SCN9A: variants seen among roughly 807,000 people sequenced by gnomAD.
SCN9A encodes sodium voltage-gated channel alpha subunit 9.
In SCN9A, 131 loss-of-function variants were observed where a neutral mutation model predicts 187.0. The observed-to-expected ratio is 0.70, with a 90% CI of 0.61 to 0.81. The LOEUF (loss-of-function observed/expected upper bound fraction) is 0.81. SCN9A is among the 30% of genes least tolerant of loss of function. The pLI, the probability that SCN9A is intolerant of heterozygous loss-of-function variation, is 0.00. For missense variants in SCN9A, 2,252 were observed against 2,396.6 expected (o/e 0.94, Z 1.26); for synonymous variants, 809 against 808.6 (o/e 1.00, Z -0.01).
Position 166,284,688 on chromosome 2 carries a change from T to C in SCN9A, c.1739A>G (p.Asp580Gly). ...CAGTGAGCCCCTTCTGCTCTCATTG[T>C]CTCCAAAAATGCTGTGCTCATCATC... is the stretch of plus-strand genomic sequence containing the variant. ...FADDEHSIFG[D>G]NESRRGSLFV... The change falls in exon 12 of 27, where the codon GAC becomes GGC. Residue 580 changes from aspartate (D) to glycine (G), a missense_variant. Around this residue, in one of 7 missense-constraint regions of SCN9A, gnomAD observed 1,013 missense variants for 997.4 expected, o/e 1.02. Transcript: ENST00000642356. 1 of 1,613,918 alleles carries C rather than the reference T, an allele frequency of 6.2e-7. No individual in the cohort carries two copies. Among genetic ancestry groups the C allele is most frequent in the South Asian group, 1.1e-5 (1 of 91,070 alleles).
chr2:166,252,640 G>A (rs1197504999), intron 17 of SCN9A, among the ~76,000 whole-genome samples: 3 of 151,706 alleles, frequency 2.0e-5, no homozygotes, highest in Admixed American at 6.6e-5. Flanking sequence ...AACAAAGATC[G>A]AAGAAAATTA....
chr2:166,241,175 G>A (rs992809510), intron 19 of SCN9A, among the ~76,000 whole-genome samples: 2 of 152,094 alleles, frequency 1.3e-5, no homozygotes, highest in African/African-American at 4.8e-5. Context: ...CTGTCTATGA[G>A]GCAAGTTACA....
At chr2:166,281,567 AT>A in intron 13 of SCN9A, 111 bp downstream of exon 13, 1 of 976,728 alleles carries the variant, frequency 1.0e-6, no homozygotes, top group South Asian at 2.1e-5. Context: ...ATTTAAAACC[AT>A]TTTATGGTCT....
At chr2:166,317,009 A>C (rs2105237575) in intron 1 of SCN9A, among the ~76,000 whole-genome samples, 1 of 152,210 alleles carries the variant, frequency 6.6e-6, no homozygotes, top group South Asian at 2.1e-4. Flanking sequence ...ATGAATTATA[A>C]AAATATAATG....
At chr2:166,340,604 T>TTCTTTC (rs1238316249) in intron 1 of SCN9A, among the ~76,000 whole-genome samples, 16 of 72,046 alleles carry the variant, frequency 2.2e-4, no homozygotes, top group African/African-American at 1.4e-3. Flanking sequence ...CTTTCTTTCT[T>TTCTTTC]TTTCTTTCTT....
chr2:166,371,131 A>T (rs1389573775), intron 1 of SCN9A, among the ~76,000 whole-genome samples: 2 of 152,246 alleles, frequency 1.3e-5, no homozygotes, highest in African/African-American at 4.8e-5. Context: ...TCCATGTTAT[A>T]TCACTTTAAA....
intron 24 of SCN9A, among the ~76,000 whole-genome samples, chr2:166,215,480 A>C (rs543323971): frequency 6.6e-6 from 1 of 152,238 alleles, no homozygotes; most frequent in South Asian, 2.1e-4. Context: ...AATACTAAAA[A>C]GTTGTTTTTT....
At chr2:166,304,719 T>C (rs1287233756) in intron 5 of SCN9A, among the ~76,000 whole-genome samples, 2 of 151,908 alleles carry the variant, frequency 1.3e-5, no homozygotes, top group East Asian at 3.8e-4. Context: ...AATAGACAAA[T>C]CCATAGAGAT....
At chr2:166,322,250 G>A (rs564203583) in intron 1 of SCN9A, among the ~76,000 whole-genome samples, 3 of 152,052 alleles carry the variant, frequency 2.0e-5, no homozygotes, top group South Asian at 2.1e-4. Context: ...TATACAGCTC[G>A]ATTTCCATTT....
At chr2:166,238,295 C>G in intron 19 of SCN9A, 28 bp from the exon 20 acceptor site, 2 of 1,397,222 alleles carry the variant, frequency 1.4e-6, no homozygotes, top group Non-Finnish European at 2.0e-6. Flanking sequence ...AAGTTTCAAT[C>G]ATGCACAACT....
intron 2 of SCN9A, 114 bp from the exon 3 acceptor site, chr2:166,307,188 T>TGTAAAAAGGTAAA: frequency 1.6e-6 from 1 of 620,528 alleles, no homozygotes; most frequent in South Asian, 2.1e-5. Context: ...AACACTGCCA[T>TGTAAAAAGGTAAA]CAGACTCCAG....
rs1015318829 is a variant in SCN9A, at chr2:166,334,617, C to T, written c.-50-22811G>A. Reference sequence around the variant, plus strand: ...GTCTTTTTATGAGAAAATTATTATACGAGTAAAGGAATTTTTCCCCCAAAT... The same window carrying T: ...GTCTTTTTATGAGAAAATTATTATATGAGTAAAGGAATTTTTCCCCCAAAT... On this transcript the variant is annotated intron_variant, in intron 1 of 26. Coordinates refer to ENST00000642356, the MANE Select transcript of SCN9A (RefSeq NM_001365536.1). 5.3e-5 allele frequency among the ~76,000 whole-genome samples: 8 copies of T among 152,124 alleles called. No homozygotes were observed. In the East Asian group the frequency reaches 7.7e-4, roughly 15 times the overall value.
chr2:166,251,722 A>G lies in SCN9A; in HGVS notation c.3472+43T>C, dbSNP rs201194642. The G allele has an allele frequency of 4.3e-6, 7 of 1,609,702 alleles. No individual in the cohort carries two copies. The South Asian group carries it at 7.7e-5, about 18-fold the overall frequency. On this transcript the variant is annotated intron_variant, in intron 18 of 26. Transcript: ENST00000642356. ...TAGGCGTTAAGACAAACCCCAGAAC[A>G]CTAATTAAGGAATGCTAACCAAGGT...
At chr2:166,335,650 G>A (rs948380703) in intron 1 of SCN9A, among the ~76,000 whole-genome samples, 2 of 152,112 alleles carry the variant, frequency 1.3e-5, no homozygotes, top group Middle Eastern at 3.2e-3. Flanking sequence ...TCAAAAGCTT[G>A]GACTGGCCTT....
At chr2:166,328,711 G>A (rs1305850342) in intron 1 of SCN9A, among the ~76,000 whole-genome samples, 1 of 152,024 alleles carries the variant, frequency 6.6e-6, no homozygotes, top group Non-Finnish European at 1.5e-5. Flanking sequence ...CTGTTTACAT[G>A]TAAGGAAAAA....
At chr2:166,231,271 A>G (rs2106391498) in intron 21 of SCN9A, among the ~76,000 whole-genome samples, 1 of 152,332 alleles carries the variant, frequency 6.6e-6, no homozygotes, top group East Asian at 1.9e-4. Flanking sequence ...ACAAAATGAA[A>G]CTTGTAATTT....
chr2:166,290,783 A>T (rs1309374273), intron 9 of SCN9A, among the ~76,000 whole-genome samples: 1 of 152,116 alleles, frequency 6.6e-6, no homozygotes, highest in Non-Finnish European at 1.5e-5. Context: ...AATATATGCA[A>T]ATCAATAAAT....
chr2:166,340,020 A>G (rs1175283873), intron 1 of SCN9A, among the ~76,000 whole-genome samples: 1 of 152,160 alleles, frequency 6.6e-6, no homozygotes, highest in Non-Finnish European at 1.5e-5. Context: ...TCTGTTAGAA[A>G]GAGGGGATGA....
In SCN9A at chr2:166,198,888, T is replaced by C. The variant is rs772061182; in HGVS notation, c.5751A>G (p.Ile1917Met). ...AATCATCATCTCTGTCTCCATCTTT[T>C]ATGTATATACTTGATATATTTTTGA... Reference protein sequence around the residue: ...QNVKNISSIYIKDGDRDDDLL... With the variant: ...QNVKNISSIYMKDGDRDDDLL... Residue 1917 changes from isoleucine to methionine, a missense_variant, in exon 27 of 27, where the codon ATA (isoleucine) becomes ATG (methionine). Around this residue, in one of 7 missense-constraint regions of SCN9A, gnomAD observed 345 missense variants for 344.6 expected, o/e 1.00. Transcript: ENST00000642356. 2 of 1,613,692 alleles carry C rather than the reference T, an allele frequency of 1.2e-6. No individual in the cohort carries two copies. The highest frequency in any genetic ancestry group is 1.3e-5 in the African/African-American group (1 of 75,038).
Sources: gnomAD v4.1 joint callset for allele counts (sites outside exome capture counted in the v4.1 genomes callset) on GRCh38, gnomAD v4.1.1 for gene constraint, gnomAD v4.1.1 regional missense constraint, MANE v1.5 for transcripts, NCBI Gene and HGNC (gene_info 2026-07-23, HGNC 2026-07-21) for gene names.